The following RADX variants were observed in gnomAD, a reference collection of about 807,000 sequenced individuals.
RADX encodes the protein RPA-related protein RADX.
In RADX, 36 loss-of-function variants were observed where a neutral mutation model predicts 61.6. The observed-to-expected ratio is 0.58, with a 90% CI of 0.45 to 0.77. RADX has a LOEUF of 0.77. RADX is among the 30% of genes least tolerant of loss of function. RADX has a pLI of 0.00. For missense variants in RADX, 497 were observed against 651.1 expected (o/e 0.76, Z 2.58); for synonymous variants, 272 against 237.9 (o/e 1.14, Z -1.32).
intron 13 of RADX, among the ~76,000 whole-genome samples, chrX:106,676,828 A>G (rs769303159): frequency 8.9e-6 from 1 of 112,102 alleles, no homozygotes; most frequent in African/African-American, 3.2e-5. Flanking sequence ...GGTCAGCCAC[A>G]GATGAGTGAT....
chrX:106,648,505 G>C, intron 11 of RADX, 119 bp downstream of exon 11: 1 of 477,072 alleles, frequency 2.1e-6, no homozygotes, highest in South Asian at 4.2e-5. Flanking sequence ...TTTGCATATA[G>C]TAATATTAGC....
chrX:106,659,631 T>A (rs1459834130), intron 11 of RADX, among the ~76,000 whole-genome samples: 1 of 111,494 alleles, frequency 9.0e-6, no homozygotes, highest in Non-Finnish European at 1.9e-5. Flanking sequence ...TAGAAAAACC[T>A]GAGCTCTAGA....
chrX:106,674,701 A>G (rs777274693), intron 13 of RADX, among the ~76,000 whole-genome samples: 1 of 111,729 alleles, frequency 9.0e-6, no homozygotes, highest in African/African-American at 3.3e-5. Flanking sequence ...ATTTTAATCC[A>G]TTTGGAATTT....
At chrX:106,627,525 T>G (rs1417536209) in intron 3 of RADX, among the ~76,000 whole-genome samples, 4 of 111,143 alleles carry the variant, frequency 3.6e-5, no homozygotes. Flanking sequence ...TATTATTAAC[T>G]GTAGTCACCA....
intron 12 of RADX, among the ~76,000 whole-genome samples, chrX:106,667,250 A>T (rs1181063195): frequency 8.9e-6 from 1 of 112,081 alleles, no homozygotes; most frequent in Non-Finnish European, 1.9e-5. Context: ...AGAGGCAGCA[A>T]GCACAAAAGC....
chrX:106,673,641 C>T (rs916502636), intron 13 of RADX, among the ~76,000 whole-genome samples: 2 of 107,867 alleles, frequency 1.9e-5, no homozygotes, highest in African/African-American at 3.4e-5. Context: ...TCCTTAGACA[C>T]GCTGGCTGAT....
At chrX:106,614,501 G>A (rs1926752607) in intron 1 of RADX, among the ~76,000 whole-genome samples, 1 of 111,989 alleles carries the variant, frequency 8.9e-6, no homozygotes, top group African/African-American at 3.2e-5. Flanking sequence ...TGTTTACTAT[G>A]TTCAAGCATT....
intron 7 of RADX, 121 bp from the exon 8 acceptor site, chrX:106,637,639 C>T: frequency 9.5e-6 from 5 of 528,562 alleles, no homozygotes; most frequent in African/African-American, 2.4e-5. Flanking sequence ...CTGTTTTTTT[C>T]TTGGTGATAA....
At chrX:106,656,928 C>T (rs1268026796) in intron 11 of RADX, among the ~76,000 whole-genome samples, 1 of 111,847 alleles carries the variant, frequency 8.9e-6, no homozygotes, top group Non-Finnish European at 1.9e-5. Flanking sequence ...AACTTAAAGT[C>T]ATCAGCTGCA....
chrX:106,655,670 C>T (rs1251894181), intron 11 of RADX, among the ~76,000 whole-genome samples: 2 of 111,012 alleles, frequency 1.8e-5, no homozygotes, highest in African/African-American at 6.6e-5. Flanking sequence ...AGGACATGAA[C>T]TCATCCTTTT....
At chrX:106,657,876 T>G (rs1280196929) in intron 11 of RADX, among the ~76,000 whole-genome samples, 3 of 111,548 alleles carry the variant, frequency 2.7e-5, no homozygotes, top group Non-Finnish European at 5.7e-5. Flanking sequence ...AATATTGTGA[T>G]AATTACCAAA....
chrX:106,671,853 T>G (rs1928369824), intron 13 of RADX, among the ~76,000 whole-genome samples: 1 of 112,231 alleles, frequency 8.9e-6, no homozygotes, highest in Admixed American at 9.5e-5. Context: ...TTTTTCTTAA[T>G]AATTTGTAAG....
Position 106,632,953 on chromosome X carries a change from A to G in RADX, c.1110A>G (p.Pro370=). ...FTTRSELDDM[P]ENCICDVIGL... ...TTAGGTCAGAACTGGATGATATGCCAGAAAATTGCATCTGTGATGTTATTG... is the reference window on the plus strand; with the variant it reads ...TTAGGTCAGAACTGGATGATATGCCGGAAAATTGCATCTGTGATGTTATTG... The change falls in exon 5 of 14, where the codon CCA becomes CCG. Residue 370 remains proline, a synonymous_variant. Coordinates refer to ENST00000372548, the MANE Select transcript of RADX (RefSeq NM_018015.6). 1.7e-6 allele frequency: 2 copies of G among 1,209,502 alleles called. No individual in the cohort carries two copies. Among genetic ancestry groups the G allele is most frequent in the Non-Finnish European group, 2.2e-6 (2 of 893,446 alleles).
At chrX:106,619,702 C>A (rs1476192158) in intron 1 of RADX, among the ~76,000 whole-genome samples, 1 of 111,454 alleles carries the variant, frequency 9.0e-6, no homozygotes, top group African/African-American at 3.3e-5. Context: ...TTTCACTGAT[C>A]TTTTCAAATT....
chrX:106,662,593 G>A (rs1355276716), intron 12 of RADX, among the ~76,000 whole-genome samples: 3 of 109,056 alleles, frequency 2.8e-5, no homozygotes, highest in Non-Finnish European at 5.7e-5. Context: ...GGCAGCTTCT[G>A]TTCTCCCTTA....
chrX:106,652,504 A>G (rs1348182033), intron 11 of RADX, among the ~76,000 whole-genome samples: 1 of 110,960 alleles, frequency 9.0e-6, no homozygotes, highest in Non-Finnish European at 1.9e-5. Flanking sequence ...AATAGGGACG[A>G]TATAGAATAT....
chrX:106,662,494 A>G (rs1928124606), intron 12 of RADX, among the ~76,000 whole-genome samples, 189 bp downstream of exon 12: 1 of 110,993 alleles, frequency 9.0e-6, no homozygotes, highest in Non-Finnish European at 1.9e-5. Context: ...GCTTCTAAAC[A>G]TTGGCAAGTC....
At chrX:106,673,291 T>A (rs183090247) in intron 13 of RADX, among the ~76,000 whole-genome samples, 1 of 110,764 alleles carries the variant, frequency 9.0e-6, no homozygotes, top group African/African-American at 3.3e-5. Flanking sequence ...ACATAGTACC[T>A]GAGGTATCAC....
chrX:106,621,932 T>G (rs771067441), intron 1 of RADX, among the ~76,000 whole-genome samples: 8 of 106,267 alleles, frequency 7.5e-5, no homozygotes, highest in Non-Finnish European at 1.4e-4. Flanking sequence ...ATGGTTTTTT[T>G]TTTTTTTTTT....
Sources: gnomAD v4.1 joint callset for allele counts (sites outside exome capture counted in the v4.1 genomes callset) on GRCh38, gnomAD v4.1.1 for gene constraint, MANE v1.5 for transcripts, NCBI Gene and HGNC (gene_info 2026-07-23, HGNC 2026-07-21) for gene names.